SGO2: variants seen among roughly 807,000 people sequenced by gnomAD.
The protein encoded by SGO2 is shugoshin 2.
A neutral mutation model predicts 99.5 loss-of-function variants in SGO2; 68 were observed. That is an observed-to-expected ratio of 0.68 (90% CI 0.56 to 0.84). The LOEUF is 0.84. Ranked by LOEUF, SGO2 falls within the 40% of genes least tolerant of loss-of-function variation. SGO2 has a pLI of 0.00. For missense variants in SGO2, 1,350 were observed against 1,436.7 expected (o/e 0.94, Z 0.97); for synonymous variants, 457 against 487.1 (o/e 0.94, Z 0.81).
intron 5 of SGO2, among the ~76,000 whole-genome samples, chr2:200,563,938 T>G (rs1158510373): frequency 6.6e-6 from 1 of 152,170 alleles, no homozygotes; most frequent in East Asian, 1.9e-4. Context: ...ATCTATTTGA[T>G]TCTTCTCTCT....
At chr2:200,556,186 G>A (rs927513571) in intron 5 of SGO2, among the ~76,000 whole-genome samples, 79 of 152,096 alleles carry the variant, frequency 5.2e-4, no homozygotes, top group African/African-American at 1.9e-3. Flanking sequence ...GGCTGGTCTC[G>A]AACTCCTGAC....
At chr2:200,539,887 C>G (rs541345534) in intron 4 of SGO2, among the ~76,000 whole-genome samples, 2 of 152,156 alleles carry the variant, frequency 1.3e-5, no homozygotes, top group East Asian at 3.9e-4. Context: ...TCCTAACCCT[C>G]TGTTATTTTT....
At chr2:200,539,601 AG>A (rs1365490250) in intron 4 of SGO2, among the ~76,000 whole-genome samples, 2 of 152,012 alleles carry the variant, frequency 1.3e-5, no homozygotes, top group African/African-American at 2.4e-5. Flanking sequence ...ACTGTAGGTA[AG>A]ATGCCATTTT....
At chr2:200,564,568 C>G (rs532384522) in intron 5 of SGO2, among the ~76,000 whole-genome samples, 1 of 152,168 alleles carries the variant, frequency 6.6e-6, no homozygotes, top group East Asian at 1.9e-4. Context: ...CTGTAGATGT[C>G]TATTAGGTCT....
At chr2:200,548,635 T>TACTAAAAA (rs2032339901) in intron 5 of SGO2, among the ~76,000 whole-genome samples, 1 of 152,074 alleles carries the variant, frequency 6.6e-6, no homozygotes, top group African/African-American at 2.4e-5. Context: ...ATAAAATTGA[T>TACTAAAAA]ACTAAAAAAG....
rs761916820 is a variant in SGO2 at position 200,572,624 on chromosome 2, G to T, written c.2278G>T (p.Asp760Tyr). ...GGAAATCATCCCTGGAAACCTAGAA[G>T]ACCCAAGTGAGTTTGAAACACCTGC... ...DKEIIPGNLE[D>Y]PSEFETPALS... Residue 760 changes from aspartate (D) to tyrosine (Y), a missense_variant, in exon 7 of 9, where the codon GAC becomes TAC. Asp to Tyr is a radical substitution (Grantham distance 160). Transcript: ENST00000357799. The T allele has an allele frequency of 6.2e-6, 10 of 1,612,850 alleles. No homozygotes were observed. Among genetic ancestry groups the T allele is most frequent in the Non-Finnish European group, 6.8e-6 (8 of 1,179,338 alleles).
intron 1 of SGO2, chr2:200,531,965 A>G (rs143766171): frequency 0.018 from 2,797 of 152,366 alleles, 35 homozygotes; most frequent in Middle Eastern, 0.051. Flanking sequence ...CCCCATTACA[A>G]GATCCTCAAT....
intron 4 of SGO2, among the ~76,000 whole-genome samples, chr2:200,538,466 C>T (rs1448942228): frequency 6.6e-6 from 1 of 152,168 alleles, no homozygotes; most frequent in Non-Finnish European, 1.5e-5. Flanking sequence ...TCATATCCTG[C>T]TTTTCTTCTT....
At chr2:200,563,975 G>T (rs571505445) in intron 5 of SGO2, among the ~76,000 whole-genome samples, 38 of 152,164 alleles carry the variant, frequency 2.5e-4, no homozygotes, top group African/African-American at 8.2e-4. Context: ...CTTGCTAGCG[G>T]TCTATCAATT....
chr2:200,533,335 G>A (rs1043514225), intron 2 of SGO2: 3 of 347,736 alleles, frequency 8.6e-6, no homozygotes, highest in Admixed American at 4.7e-5. Flanking sequence ...CAGTGAGGCT[G>A]CAGTGACCCA....
Position 200,575,415 on chromosome 2 carries a change from AGAAGAAGGTG to A in SGO2, c.3737_3746del (p.Arg1246IlefsTer15), listed in dbSNP as rs2033620819. On this transcript the variant is annotated frameshift_variant, in exon 8 of 9. Transcript: ENST00000357799. LOFTEE classifies it high-confidence loss of function. ...TCTATCTTCAGAACGGACAAGCAGA[AGAAGAAGGTG>A]TACTCCTTTCTATTTTAAAGAGCCA... The A allele has an allele frequency of 1.2e-6, 2 of 1,603,904 alleles. No individual in the cohort carries two copies. The highest frequency in any genetic ancestry group is 2.2e-5 in the South Asian group (2 of 89,582).
chr2:200,565,328 T>A (rs917602701), intron 5 of SGO2, among the ~76,000 whole-genome samples: 4 of 152,218 alleles, frequency 2.6e-5, no homozygotes, highest in African/African-American at 9.6e-5. Flanking sequence ...TGAAGCTTAG[T>A]TTGGCTGGAT....
chr2:200,574,188 T>C (rs1379400614), intron 7 of SGO2, among the ~76,000 whole-genome samples: 3 of 152,052 alleles, frequency 2.0e-5, no homozygotes, highest in Non-Finnish European at 4.4e-5. Context: ...ATCTTGGACA[T>C]TTACAACTAT....
chr2:200,562,173 G>GT (rs537535125), intron 5 of SGO2, among the ~76,000 whole-genome samples: 14,610 of 152,134 alleles, frequency 0.096, 784 homozygotes, highest in South Asian at 0.15. Flanking sequence ...TTTCTTCTAG[G>GT]TTTTTTATGG....
At chr2:200,540,060 G>A (rs1036297592) in intron 4 of SGO2, among the ~76,000 whole-genome samples, 5 of 150,268 alleles carry the variant, frequency 3.3e-5, no homozygotes, top group African/African-American at 9.8e-5. Context: ...AGCTCCATTC[G>A]GCTCTTTGTA....
chr2:200,560,918 G>A (rs1175472872), intron 5 of SGO2, among the ~76,000 whole-genome samples: 1 of 152,038 alleles, frequency 6.6e-6, no homozygotes, highest in Admixed American at 6.5e-5. Context: ...ATAGATATGG[G>A]GCTTTTCAAG....
intron 1 of SGO2, among the ~76,000 whole-genome samples, chr2:200,529,703 A>G (rs1214309404): frequency 1.3e-5 from 2 of 151,952 alleles, no homozygotes; most frequent in African/African-American, 2.4e-5. Flanking sequence ...ATTTTTTTGT[A>G]TTTTTAGTAG....
Position 200,572,914 on chromosome 2 carries a change from A to G in SGO2, c.2568A>G (p.Leu856=), listed in dbSNP as rs145762900. ...ATAAAGAAACAATTTCTGAAAATCT[A>G]CAAGTCACAAATGAATTTCAAACAG... ...PKDKETISEN[L]QVTNEFQTVD... The change falls in exon 7 of 9, where the codon CTA becomes CTG. Residue 856 remains leucine (L), a synonymous_variant. Coordinates refer to ENST00000357799, the MANE Select transcript of SGO2 (RefSeq NM_152524.6). The G allele has an allele frequency of 9.8e-5, 156 of 1,593,066 alleles. No individual in the cohort carries two copies. In the African/African-American group the frequency reaches 1.4e-3, roughly 15 times the overall value.
rs376228087 is a variant in SGO2 at position 200,528,779 on chromosome 2, A to C, written c.-3+2527A>C. On this transcript the variant is annotated intron_variant, in intron 1 of 8. Coordinates refer to ENST00000357799, the MANE Select transcript of SGO2 (RefSeq NM_152524.6). ...CAAGGACTGAGATCTGGGGCACTCC[A>C]GTGGTAAGAGGTTAGGGAGATGAAG... Among the ~76,000 whole-genome samples the C allele has an allele frequency of 3.3e-5, 5 of 152,324 alleles. No individual in the cohort carries two copies. In the East Asian group the frequency reaches 7.7e-4, roughly 23 times the overall value.
Sources: allele counts gnomAD v4.1 joint callset (sites outside exome capture counted in the v4.1 genomes callset), GRCh38; gene constraint gnomAD v4.1.1; transcripts MANE v1.5; gene names NCBI Gene and HGNC (gene_info 2026-07-23, HGNC 2026-07-21).